Variants in TRAPPC11 observed in about 807,000 individuals in gnomAD.
TRAPPC11 encodes the protein trafficking protein particle complex subunit 11, also known as foie gras homolog.
A neutral mutation model predicts 151.2 loss-of-function variants in TRAPPC11; 104 were observed. The observed-to-expected ratio is 0.69, with a 90% confidence interval of 0.59 to 0.81. The LOEUF is 0.81. Ranked by LOEUF, TRAPPC11 falls within the 30% of genes least tolerant of loss-of-function variation. TRAPPC11 has a pLI of 0.00. For synonymous variants in TRAPPC11, 456 were observed against 472.3 expected (o/e 0.97, Z 0.45); for missense variants, 1,230 against 1,349.6 (o/e 0.91, Z 1.39).
In TRAPPC11 at chr4:183,679,472, A is replaced by G. The variant is rs1735570915; in HGVS notation, c.951A>G (p.Ala317=). ...CAGAGCTGTCTTTTGAGCATGATGC[A>G]TGGATGTCTAAACAGTATGTTTTAC... The part of the protein sequence containing the change: ...GSAELSFEHD[A]WMSKQFQAFG... Residue 317 remains alanine, a synonymous_variant, in exon 9 of 30, where the codon GCA becomes GCG. Transcript: ENST00000334690. The G allele has an allele frequency of 4.3e-6, 7 of 1,610,112 alleles. No individual in the cohort carries two copies. Among genetic ancestry groups the G allele is most frequent in the South Asian group, 2.2e-5 (2 of 90,260 alleles).
intron 28 of TRAPPC11, 44 bp downstream of exon 28, chr4:183,706,984 G>T (rs375573440): frequency 3.1e-6 from 5 of 1,600,940 alleles, no homozygotes; most frequent in Middle Eastern, 1.7e-4. Context: ...ACAAAAGTGT[G>T]CCAGGAAACG....
intron 6 of TRAPPC11, 35 bp from the exon 7 acceptor site, chr4:183,675,129 A>G (rs751162502): frequency 3.6e-6 from 4 of 1,107,712 alleles, no homozygotes; most frequent in Non-Finnish European, 5.0e-6. Flanking sequence ...TTTAAATAGA[A>G]TATGTATAAT....
intron 26 of TRAPPC11, among the ~76,000 whole-genome samples, chr4:183,704,175 C>T (rs1362767350): frequency 2.0e-5 from 3 of 152,184 alleles, no homozygotes; most frequent in African/African-American, 7.2e-5. Flanking sequence ...ATTGGAAATA[C>T]TCAGAAGTGT....
intron 10 of TRAPPC11, among the ~76,000 whole-genome samples, chr4:183,681,626 A>AC (rs1308156422): frequency 6.6e-6 from 1 of 152,078 alleles, no homozygotes; most frequent in African/African-American, 2.4e-5. Flanking sequence ...TAAAAATACA[A>AC]AAAATTAGCC....
chr4:183,685,429 A>G, intron 17 of TRAPPC11, 26 bp downstream of exon 17: 1 of 1,592,296 alleles, frequency 6.3e-7, no homozygotes, highest in Non-Finnish European at 8.6e-7. Context: ...CTACAGTACT[A>G]TTTCAGAGAA....
intron 27 of TRAPPC11, among the ~76,000 whole-genome samples, chr4:183,705,675 A>G (rs1374914319): frequency 1.3e-5 from 2 of 152,130 alleles, no homozygotes; most frequent in African/African-American, 2.4e-5. Flanking sequence ...GTTTCCCACA[A>G]CCTGGATTTT....
intron 29 of TRAPPC11, among the ~76,000 whole-genome samples, chr4:183,709,917 G>T (rs1052211509): frequency 2.0e-5 from 3 of 152,186 alleles, no homozygotes; most frequent in Non-Finnish European, 2.9e-5. Flanking sequence ...AAGTCACTCT[G>T]CAGGGGACGA....
At chr4:183,694,299 G>A (rs918953496) in intron 22 of TRAPPC11, among the ~76,000 whole-genome samples, 4 of 152,154 alleles carry the variant, frequency 2.6e-5, no homozygotes, top group African/African-American at 9.7e-5. Context: ...ACTTAGTGCA[G>A]TTAACTTCTC....
Position 183,680,123 on chromosome 4 carries a change from C to A in TRAPPC11, c.969C>A (p.Phe323Leu). 6.2e-7 allele frequency: 1 copy of A among 1,609,090 alleles called. No homozygotes were observed. The highest frequency in any genetic ancestry group is 1.1e-5 in the South Asian group (1 of 89,600). Residue 323 changes from phenylalanine (F) to leucine (L), a missense_variant, in exon 10 of 30, where the codon TTC becomes TTA. Transcript: ENST00000334690. Reference protein sequence around the residue: ...FEHDAWMSKQFQAFGDLFDEA... With the variant: ...FEHDAWMSKQLQAFGDLFDEA... ...TCTTGATTTTCTTTTCTTTAAGATT[C>A]CAGGCCTTTGGAGATTTATTTGATG...
chr4:183,711,969 G>A lies in TRAPPC11; in HGVS notation c.3358-631G>A, dbSNP rs529399564. On this transcript the variant is annotated intron_variant, in intron 29 of 29. Transcript: ENST00000334690. ...TTACGATACCTTTTATTCATTCTTA[G>A]TCTTGACTTTTCTGACGTGATGTTT... Among the ~76,000 whole-genome samples, 11 of 152,206 alleles carry A rather than the reference G, an allele frequency of 7.2e-5. No homozygotes were observed. The South Asian group carries it at 2.1e-3, about 29-fold the overall frequency.
In TRAPPC11 at chr4:183,674,731, T is replaced by C; in HGVS notation, c.579T>C (p.Tyr193=). The part of the protein sequence containing the change: ...GYIIRLENAF[Y]EHAQTYYYTE... ...TTTACAGATTGGAAAATGCCTTTTA[T>C]GAACATGCACAGACTTATTACTACA... is the stretch of plus-strand genomic sequence containing the variant. Residue 193 remains tyrosine, a synonymous_variant, in exon 6 of 30, where the codon TAT becomes TAC. Coordinates refer to ENST00000334690, the MANE Select transcript of TRAPPC11 (RefSeq NM_021942.6). The C allele has an allele frequency of 2.6e-6, 4 of 1,549,496 alleles. No individual in the cohort carries two copies. The South Asian group carries it at 5.0e-5, about 20-fold the overall frequency.
rs1002717364 is a variant in TRAPPC11, at chr4:183,665,252, G to A, written c.205-1005G>A. 3.3e-4 allele frequency among the ~76,000 whole-genome samples: 50 copies of A among 151,786 alleles called. 1 individual carries two copies. Among genetic ancestry groups the A allele is most frequent in the African/African-American group, 9.2e-4 (38 of 41,302 alleles). ...TGGGACTACAGGCGCCCGCCACCAC[G>A]TCCAGCTAATTTTCTGTATTTTTAG... On this transcript the variant is annotated intron_variant, in intron 2 of 29. Transcript: ENST00000334690.
chr4:183,667,814 A>C, intron 4 of TRAPPC11, 189 bp from the exon 5 acceptor site: 1 of 518,608 alleles, frequency 1.9e-6, no homozygotes, highest in Non-Finnish European at 3.4e-6. Flanking sequence ...TTTTCCTAAA[A>C]GGCATATACT....
At chr4:183,670,340 A>G (rs1735092052) in intron 5 of TRAPPC11, among the ~76,000 whole-genome samples, 1 of 152,252 alleles carries the variant, frequency 6.6e-6, no homozygotes, top group Non-Finnish European at 1.5e-5. Flanking sequence ...GGCAAAATAC[A>G]GGAGTTGTCC....
chr4:183,683,587 A>G (rs1284667153), intron 11 of TRAPPC11, among the ~76,000 whole-genome samples: 3 of 151,942 alleles, frequency 2.0e-5, no homozygotes, highest in African/African-American at 4.8e-5. Context: ...GCTTGAGCCT[A>G]GGAGGTTGAT....
chr4:183,679,321 CT>C, intron 8 of TRAPPC11, 31 bp from the exon 9 acceptor site: 1 of 1,489,538 alleles, frequency 6.7e-7, no homozygotes. Context: ...TCTTTTTTTC[CT>C]TTATTTTGGG....
intron 5 of TRAPPC11, 114 bp downstream of exon 5, chr4:183,668,231 G>A (rs1333305544): frequency 8.3e-6 from 5 of 599,996 alleles, no homozygotes; most frequent in Non-Finnish European, 1.4e-5. Flanking sequence ...ACATTCATAT[G>A]ATACAGAGGC....
chr4:183,675,299 A>C (rs1735360025), intron 7 of TRAPPC11, 62 bp downstream of exon 7: 1 of 1,019,490 alleles, frequency 9.8e-7, no homozygotes, highest in Non-Finnish European at 1.4e-6. Flanking sequence ...ATGTGATGGA[A>C]ATTTCTGAAT....
At position 183,708,459 on chromosome 4, in the gene TRAPPC11, A is replaced by G. The variant is rs750808098; in HGVS notation, c.3242A>G (p.Tyr1081Cys). The G allele has an allele frequency of 5.6e-6, 9 of 1,614,108 alleles. No individual in the cohort carries two copies. The highest frequency in any genetic ancestry group is 1.7e-4 in the Middle Eastern group (1 of 6,056). Residue 1081 changes from tyrosine to cysteine, a missense_variant, in exon 29 of 30, where the codon TAT becomes TGT. Physicochemically the swap from Tyr to Cys is radical, Grantham distance 194 (BLOSUM62 -2). Transcript: ENST00000334690. Reference sequence around the variant, plus strand: ...GAGCAGGAAATGCTATATAATTTCTATCCTCTGATGGCTGGATACCAGCAG... The same window carrying G: ...GAGCAGGAAATGCTATATAATTTCTGTCCTCTGATGGCTGGATACCAGCAG... ...GTEQEMLYNFYPLMAGYQQLP... is the reference protein window; with the variant it reads ...GTEQEMLYNFCPLMAGYQQLP...
Sources: allele counts gnomAD v4.1 joint callset (sites outside exome capture counted in the v4.1 genomes callset), GRCh38; gene constraint gnomAD v4.1.1; transcripts MANE v1.5; gene names NCBI Gene and HGNC (gene_info 2026-07-23, HGNC 2026-07-21).